ARHGAP31: variants seen among roughly 807,000 people sequenced by gnomAD.
The protein encoded by ARHGAP31 is Rho GTPase activating protein 31, also known as rho GTPase-activating protein 31.
In ARHGAP31, 34 loss-of-function variants were observed where a neutral mutation model predicts 113.9. The observed-to-expected ratio is 0.30, with a 90% confidence interval of 0.23 to 0.40. The LOEUF (loss-of-function observed/expected upper bound fraction) is 0.40. ARHGAP31 is among the 10% of genes least tolerant of loss of function. The probability of loss-of-function intolerance (pLI) is 1.00; values close to 1 mark genes in which losing one functional copy is unlikely to be tolerated. For synonymous variants in ARHGAP31, 650 were observed against 684.8 expected (o/e 0.95, Z 0.79); for missense variants, 1,548 against 1,767.1 (o/e 0.88, Z 2.22).
At chr3:119,354,924 C>A (rs1426026961) in intron 1 of ARHGAP31, among the ~76,000 whole-genome samples, 2 of 151,550 alleles carry the variant, frequency 1.3e-5, no homozygotes, top group African/African-American at 4.9e-5. Context: ...TAGATATTAA[C>A]CATGAGCTGT....
At chr3:119,356,128 A>G (rs2080155301) in intron 1 of ARHGAP31, among the ~76,000 whole-genome samples, 1 of 152,234 alleles carries the variant, frequency 6.6e-6, no homozygotes, top group African/African-American at 2.4e-5. Context: ...CAGAAAAGGT[A>G]ATATATTCCT....
At chr3:119,342,879 G>A (rs1304284271) in intron 1 of ARHGAP31, among the ~76,000 whole-genome samples, 1 of 152,036 alleles carries the variant, frequency 6.6e-6, no homozygotes, top group African/African-American at 2.4e-5. Context: ...AACCCAGGAT[G>A]TGGAGGTTGC....
chr3:119,337,071 G>A (rs1389626883), intron 1 of ARHGAP31, among the ~76,000 whole-genome samples: 1 of 152,152 alleles, frequency 6.6e-6, no homozygotes, highest in Non-Finnish European at 1.5e-5. Flanking sequence ...CATTTGAATT[G>A]TTTCCACTTT....
At position 119,391,012 on chromosome 3, in the gene ARHGAP31, G is replaced by C. The variant is rs373056164; in HGVS notation, c.881+29G>C. 6 of 1,608,712 alleles carry C rather than the reference G, an allele frequency of 3.7e-6. No homozygotes were observed. The African/African-American group carries it at 8.0e-5, about 22-fold the overall frequency. On this transcript the variant is annotated intron_variant, in intron 7 of 11. Coordinates refer to ENST00000264245, the MANE Select transcript of ARHGAP31 (RefSeq NM_020754.4). The stretch of plus-strand genomic sequence containing the variant: ...AGTGGCACTCTTTTAAAAAATTCTA[G>C]GAGATGTGTGGTTGAAGAGGAAAGA...
intron 11 of ARHGAP31, among the ~76,000 whole-genome samples, chr3:119,412,735 A>T (rs1354908943): frequency 1.3e-5 from 2 of 152,194 alleles, no homozygotes; most frequent in Non-Finnish European, 1.5e-5. Flanking sequence ...GGTAATAAGA[A>T]AAAAGAGACT....
rs1468966609 is a variant in ARHGAP31, at chr3:119,401,839, A to G, written c.1087A>G (p.Asn363Asp). 3.7e-6 allele frequency: 6 copies of G among 1,613,940 alleles called. No individual in the cohort carries two copies. In the Admixed American group the frequency reaches 1.0e-4, roughly 27 times the overall value. Residue 363 changes from asparagine to aspartate, a missense_variant, in exon 10 of 12, where the codon AAT becomes GAT. Asn to Asp is a conservative substitution (Grantham distance 23, BLOSUM62 1). Coordinates refer to ENST00000264245, the MANE Select transcript of ARHGAP31 (RefSeq NM_020754.4). ...VPVEGKETKG[N>D]FNRTVTTGGF... ...TTTACTAGGAAAAGAAACCAAGGGA[A>G]ATTTCAATCGAACAGTTACCACCGG...
chr3:119,337,112 A>G (rs965721933), intron 1 of ARHGAP31, among the ~76,000 whole-genome samples: 1 of 152,210 alleles, frequency 6.6e-6, no homozygotes, highest in African/African-American at 2.4e-5. Flanking sequence ...TGCTGTGTCC[A>G]GAATTGGTGA....
rs2107646757 is a variant in ARHGAP31, at chr3:119,414,155, G to A, written c.2226G>A (p.Glu742=). The change falls in exon 12 of 12, where the codon GAG becomes GAA. Residue 742 remains glutamate, a synonymous_variant. Transcript: ENST00000264245. ...TAASREKPEP[E]QGLHPDLASL... Reference sequence around the variant, plus strand: ...CCAGCAGAGAGAAGCCGGAACCTGAGCAGGGCCTGCACCCAGACCTCGCCA... The same window carrying A: ...CCAGCAGAGAGAAGCCGGAACCTGAACAGGGCCTGCACCCAGACCTCGCCA... The A allele has an allele frequency of 6.2e-7, 1 of 1,614,178 alleles. No individual in the cohort carries two copies. The highest frequency in any genetic ancestry group is 1.1e-5 in the South Asian group (1 of 91,078).
In ARHGAP31 at chr3:119,393,316, ATCAAGCT is replaced by A. The variant is rs370792276; in HGVS notation, c.882-149_882-143del. ...TGGGGCATCTCTAGACAAGGTGAGA[ATCAAGCT>A]TACCTTGGATTTTAGAGGGGAATTT... On this transcript the variant is annotated intron_variant, in intron 7 of 11. Transcript: ENST00000264245. 2,038 of 1,053,644 alleles carry A rather than the reference ATCAAGCT, an allele frequency of 1.9e-3. 18 individuals are homozygous for A. The African/African-American group carries it at 0.027, about 14-fold the overall frequency. The allele number at this position is 1,053,644 out of a possible 1,614,324, so 65.3% of individuals were successfully genotyped here. A position where few individuals can be genotyped will look rare whatever the true frequency, so the allele number is the denominator to read the frequency against.
intron 1 of ARHGAP31, chr3:119,330,066 A>G: frequency 2.1e-6 from 2 of 941,672 alleles, no homozygotes; most frequent in Non-Finnish European, 2.5e-6. Context: ...TTTCCATTCA[A>G]TCGTCTGATT....
chr3:119,404,427 C>T (rs983315280), intron 10 of ARHGAP31, among the ~76,000 whole-genome samples: 12 of 152,180 alleles, frequency 7.9e-5, no homozygotes, highest in Non-Finnish European at 1.2e-4. Flanking sequence ...CCATCCAGAT[C>T]TGAGACTGAG....
rs1297902326 is a variant in ARHGAP31 at position 119,415,438 on chromosome 3, A to T, written c.3509A>T (p.His1170Leu). The T allele has an allele frequency of 3.1e-6, 5 of 1,613,932 alleles. No homozygotes were observed. Among genetic ancestry groups the T allele is most frequent in the Non-Finnish European group, 2.5e-6 (3 of 1,180,038 alleles). ...QDPQDLDIVA[H>L]ALTGRRNSAP... ...CCCCAGGACCTGGACATTGTTGCTCATGCACTGACAGGCCGCCGTAACTCA... is the reference window on the plus strand; with the variant it reads ...CCCCAGGACCTGGACATTGTTGCTCTTGCACTGACAGGCCGCCGTAACTCA... The change falls in exon 12 of 12, where the codon CAT (histidine) becomes CTT (leucine). Residue 1170 changes from histidine (H) to leucine (L), a missense_variant. Coordinates refer to ENST00000264245, the MANE Select transcript of ARHGAP31 (RefSeq NM_020754.4).
In ARHGAP31 at chr3:119,418,207, C is replaced by A. The variant is rs529236733; in HGVS notation, c.*1943C>A. The A allele has an allele frequency of 6.6e-6, 1 of 152,236 alleles. No individual in the cohort carries two copies. Among genetic ancestry groups the A allele is most frequent in the East Asian group, 1.9e-4 (1 of 5,192 alleles). The allele number at this position is 152,236 out of a possible 1,614,324, so 9.4% of individuals were successfully genotyped here. A position where few individuals can be genotyped will look rare whatever the true frequency, so the allele number is the denominator to read the frequency against. On this transcript the variant is annotated 3_prime_UTR_variant, in exon 12 of 12. Transcript: ENST00000264245. ...GCACTGAGTGAGCAAGGCCTTTCAT[C>A]AGTGTTTTGGCCTTCTCATTGGGTG...
intron 1 of ARHGAP31, among the ~76,000 whole-genome samples, chr3:119,336,516 A>C (rs936268768): frequency 3.7e-4 from 57 of 152,326 alleles, no homozygotes; most frequent in African/African-American, 1.3e-3. Flanking sequence ...AATAAAACCA[A>C]GAGTGGGTTT....
At chr3:119,376,228 C>A (rs1436230024) in intron 3 of ARHGAP31, among the ~76,000 whole-genome samples, 3 of 152,182 alleles carry the variant, frequency 2.0e-5, no homozygotes, top group Non-Finnish European at 2.9e-5. Flanking sequence ...GTGGCTTACG[C>A]CTGTAATCCC....
In ARHGAP31 at chr3:119,383,126, C is replaced by G. The variant is rs2080416784; in HGVS notation, c.582C>G (p.Ala194=). Residue 194 remains alanine (A), a synonymous_variant, in exon 6 of 12, where the codon GCC becomes GCG. Coordinates refer to ENST00000264245, the MANE Select transcript of ARHGAP31 (RefSeq NM_020754.4). Reference sequence around the variant, plus strand: ...CCACTGGTTGCAATGGAGATGCAGCCTTCCTTGCAGTCCGGGTCCAGCAGG... The same window carrying G: ...CCACTGGTTGCAATGGAGATGCAGCGTTCCTTGCAGTCCGGGTCCAGCAGG... ...IEATGCNGDA[A]FLAVRVQQVV... The G allele has an allele frequency of 1.2e-6, 2 of 1,614,214 alleles. No individual in the cohort carries two copies. Among genetic ancestry groups the G allele is most frequent in the Non-Finnish European group, 1.7e-6 (2 of 1,180,046 alleles).
intron 6 of ARHGAP31, among the ~76,000 whole-genome samples, chr3:119,385,427 T>C (rs1347166123): frequency 2.0e-5 from 3 of 152,192 alleles, no homozygotes; most frequent in African/African-American, 7.2e-5. Context: ...CACGTTTTTG[T>C]TTGAATATAC....
intron 3 of ARHGAP31, among the ~76,000 whole-genome samples, chr3:119,369,166 A>G (rs2080275055): frequency 6.6e-6 from 1 of 152,244 alleles, no homozygotes; most frequent in African/African-American, 2.4e-5. Flanking sequence ...ATAAATGCTT[A>G]AAGGGTGACT....
At chr3:119,381,940 C>A (rs866658594) in intron 4 of ARHGAP31, among the ~76,000 whole-genome samples, 4 of 147,524 alleles carry the variant, frequency 2.7e-5, no homozygotes, top group Non-Finnish European at 5.9e-5. Flanking sequence ...GAGCTGAGAT[C>A]GCGCCACTGC....
Sources: allele counts gnomAD v4.1 joint callset (sites outside exome capture counted in the v4.1 genomes callset), GRCh38; gene constraint gnomAD v4.1.1; transcripts MANE v1.5; gene names NCBI Gene and HGNC (gene_info 2026-07-23, HGNC 2026-07-21).